Variants in STXBP5L observed in about 807,000 individuals in gnomAD.
The protein encoded by STXBP5L is syntaxin binding protein 5L.
In STXBP5L, 65 loss-of-function variants were observed where a neutral mutation model predicts 144.5. The observed-to-expected ratio is 0.45, with a 90% CI of 0.37 to 0.55. The LOEUF is 0.55. Ranked by LOEUF, STXBP5L falls within the 20% of genes least tolerant of loss-of-function variation. STXBP5L has a pLI of 0.00. For missense variants in STXBP5L, 1,298 were observed against 1,405.5 expected (o/e 0.92, Z 1.22); for synonymous variants, 505 against 469.6 (o/e 1.08, Z -0.97).
chr3:121,127,439 T>G (rs2044760997), intron 7 of STXBP5L, among the ~76,000 whole-genome samples: 1 of 152,014 alleles, frequency 6.6e-6, no homozygotes, highest in African/African-American at 2.4e-5. Flanking sequence ...TAGGGGAGAC[T>G]TCTTCCTTGC....
chr3:121,152,324 A>C (rs1223109906), intron 7 of STXBP5L, among the ~76,000 whole-genome samples, 153 bp from the exon 8 acceptor site: 4 of 152,028 alleles, frequency 2.6e-5, no homozygotes, highest in Non-Finnish European at 5.9e-5. Flanking sequence ...GCCATTTTTT[A>C]AATGTAGAAA....
chr3:121,044,010 G>C (rs998431210), intron 4 of STXBP5L, among the ~76,000 whole-genome samples: 1 of 151,960 alleles, frequency 6.6e-6, no homozygotes, highest in African/African-American at 2.4e-5. Context: ...TAAATTTCTC[G>C]TTTGTTTATA....
chr3:121,406,810 T>C (rs2108741813), intron 22 of STXBP5L, among the ~76,000 whole-genome samples: 1 of 152,226 alleles, frequency 6.6e-6, no homozygotes, highest in Admixed American at 6.5e-5. Flanking sequence ...ATTTTTCAGT[T>C]GAAGTTATTT....
chr3:120,950,631 C>A (rs1345729964), intron 2 of STXBP5L, among the ~76,000 whole-genome samples: 2 of 151,842 alleles, frequency 1.3e-5, no homozygotes, highest in Non-Finnish European at 2.9e-5. Flanking sequence ...GTGCGCTGCA[C>A]CCACTGCTCA....
chr3:121,263,728 C>T (rs555880546), intron 18 of STXBP5L, among the ~76,000 whole-genome samples: 1 of 152,028 alleles, frequency 6.6e-6, no homozygotes, highest in East Asian at 1.9e-4. Context: ...TGAAGATCAA[C>T]TTAATGAAAT....
At chr3:121,232,324 G>A (rs974029657) in intron 11 of STXBP5L, among the ~76,000 whole-genome samples, 2 of 152,056 alleles carry the variant, frequency 1.3e-5, no homozygotes, top group African/African-American at 4.8e-5. Flanking sequence ...GGTTGACAAG[G>A]CTCCCTAGTG....
chr3:121,167,388 A>C (rs2046537789), intron 9 of STXBP5L, among the ~76,000 whole-genome samples: 1 of 152,208 alleles, frequency 6.6e-6, no homozygotes, highest in Admixed American at 6.5e-5. Context: ...TAGAAAATAA[A>C]GATATTTTAG....
chr3:121,089,645 A>C (rs2042680899), intron 5 of STXBP5L, among the ~76,000 whole-genome samples: 1 of 151,466 alleles, frequency 6.6e-6, no homozygotes, highest in Non-Finnish European at 1.5e-5. Flanking sequence ...TTTTTTAGCC[A>C]TTGTTTATTC....
intron 7 of STXBP5L, among the ~76,000 whole-genome samples, chr3:121,130,587 A>G (rs1405769236): frequency 1.3e-5 from 2 of 152,134 alleles, no homozygotes; most frequent in Non-Finnish European, 2.9e-5. Context: ...GACAAGTCAG[A>G]GGATTGGTTG....
intron 3 of STXBP5L, among the ~76,000 whole-genome samples, chr3:121,039,431 A>G (rs532679999): frequency 6.6e-6 from 1 of 151,950 alleles, no homozygotes; most frequent in South Asian, 2.1e-4. Context: ...TACATACGTT[A>G]TAAACCACAA....
chr3:121,122,202 A>G (rs2044498236), intron 7 of STXBP5L, among the ~76,000 whole-genome samples: 1 of 150,282 alleles, frequency 6.7e-6, no homozygotes, highest in Admixed American at 6.7e-5. Context: ...TGAAAACATG[A>G]AAATTAGATA....
chr3:121,198,398 G>T (rs535035470), intron 9 of STXBP5L, among the ~76,000 whole-genome samples: 1 of 152,112 alleles, frequency 6.6e-6, no homozygotes, highest in East Asian at 1.9e-4. Flanking sequence ...TTGTCAGATG[G>T]ATAGCTTGTA....
intron 7 of STXBP5L, among the ~76,000 whole-genome samples, chr3:121,141,123 G>A (rs551273037): frequency 1.3e-5 from 2 of 152,246 alleles, no homozygotes; most frequent in East Asian, 3.9e-4. Flanking sequence ...GTGAAACTTA[G>A]GCCAGACATG....
Position 121,152,549 on chromosome 3 carries a change from T to C in STXBP5L, c.742T>C (p.Tyr248His). 1 of 1,603,822 alleles carries C rather than the reference T, an allele frequency of 6.2e-7. No individual in the cohort carries two copies. Among genetic ancestry groups the C allele is most frequent in the Non-Finnish European group, 8.5e-7 (1 of 1,174,322 alleles). ...ATCTAAAAGAGCAGAACTGAGAGTT[T>C]ATTATGATGAGGTAAGTGATTTCTA... ...LKSKRAELRV[Y>H]YDEAIHSIDW... The change falls in exon 8 of 27, where the codon TAT becomes CAT. Residue 248 changes from tyrosine to histidine, a missense_variant. Coordinates refer to ENST00000471454, the MANE Select transcript of STXBP5L (RefSeq NM_001308330.2).
At chr3:120,923,868 A>C (rs1481169829) in intron 2 of STXBP5L, among the ~76,000 whole-genome samples, 3 of 152,050 alleles carry the variant, frequency 2.0e-5, no homozygotes, top group African/African-American at 7.2e-5. Flanking sequence ...TCTAGTGTGT[A>C]GTTTACAGTG....
chr3:121,207,131 T>G (rs188830647), intron 10 of STXBP5L, among the ~76,000 whole-genome samples: 32 of 152,226 alleles, frequency 2.1e-4, no homozygotes, highest in Admixed American at 1.9e-3. Flanking sequence ...ATGCATTCAC[T>G]GATAAAAATG....
intron 3 of STXBP5L, among the ~76,000 whole-genome samples, chr3:120,979,809 C>G (rs1941556083): frequency 2.0e-5 from 3 of 152,126 alleles, no homozygotes; most frequent in Admixed American, 6.5e-5. Context: ...TGAGGTGTGA[C>G]TGTAGATTGT....
At chr3:121,026,730 A>T (rs1468714005) in intron 3 of STXBP5L, among the ~76,000 whole-genome samples, 2 of 152,054 alleles carry the variant, frequency 1.3e-5, no homozygotes, top group East Asian at 3.9e-4. Context: ...GAAAAGAGTA[A>T]CTAAAAGAGG....
At chr3:121,357,176 C>G (rs532999356) in intron 20 of STXBP5L, 9 of 196,616 alleles carry the variant, frequency 4.6e-5, no homozygotes, top group Admixed American at 1.2e-4. Flanking sequence ...CCAAGCATGA[C>G]CACATTATCA....
Sources: allele counts gnomAD v4.1 joint callset (sites outside exome capture counted in the v4.1 genomes callset), GRCh38; gene constraint gnomAD v4.1.1; transcripts MANE v1.5; gene names NCBI Gene and HGNC (gene_info 2026-07-23, HGNC 2026-07-21).